MEOX2: variants seen among roughly 807,000 people sequenced by gnomAD.
MEOX2 encodes homeobox protein MOX-2.
A neutral mutation model predicts 27.0 loss-of-function variants in MEOX2; 11 were observed. That is an observed-to-expected ratio of 0.41 (90% CI 0.26 to 0.68). The LOEUF is 0.68. Among genes scored for constraint, MEOX2 ranks in the 30% least tolerant of loss-of-function variants. MEOX2 has a pLI of 0.33. For missense variants in MEOX2, 436 were observed against 385.4 expected (o/e 1.13, Z -1.10); for synonymous variants, 189 against 155.4 (o/e 1.22, Z -1.61).
chr7:15,658,611 T>C (rs1369570140), intron 1 of MEOX2, among the ~76,000 whole-genome samples: 8 of 152,166 alleles, frequency 5.3e-5, no homozygotes, highest in Non-Finnish European at 1.2e-4. Context: ...CCAGTACGTA[T>C]GTTGAAATCT....
At chr7:15,684,430 G>A (rs971489177) in intron 1 of MEOX2, among the ~76,000 whole-genome samples, 2 of 152,146 alleles carry the variant, frequency 1.3e-5, no homozygotes, top group East Asian at 3.8e-4. Flanking sequence ...TTAAATATCA[G>A]TGACACTACT....
chr7:15,648,557 T>C (rs1022745126), intron 1 of MEOX2, among the ~76,000 whole-genome samples: 1 of 152,044 alleles, frequency 6.6e-6, no homozygotes, highest in Non-Finnish European at 1.5e-5. Context: ...ATTGTTACCA[T>C]TAAAGTCTTA....
chr7:15,641,274 T>C (rs1370952026), intron 1 of MEOX2, among the ~76,000 whole-genome samples: 1 of 152,184 alleles, frequency 6.6e-6, no homozygotes, highest in Admixed American at 6.5e-5. Flanking sequence ...AGAAATGTAT[T>C]CATTTGGGTT....
intron 1 of MEOX2, among the ~76,000 whole-genome samples, chr7:15,666,217 C>T (rs758390826): frequency 6.6e-6 from 1 of 152,184 alleles, no homozygotes; most frequent in African/African-American, 2.4e-5. Context: ...AATACAATGT[C>T]ATGCCTATAA....
intron 2 of MEOX2, among the ~76,000 whole-genome samples, chr7:15,616,127 T>G (rs890821400): frequency 6.6e-6 from 1 of 151,926 alleles, no homozygotes; most frequent in African/African-American, 2.4e-5. Context: ...TATATACATA[T>G]GAATAGATAT....
intron 1 of MEOX2, 58 bp downstream of exon 1, chr7:15,685,828 C>T: frequency 1.3e-6 from 2 of 1,533,336 alleles, no homozygotes; most frequent in Non-Finnish European, 1.7e-6. Flanking sequence ...CCCCTAGTAT[C>T]TCTCCGCCCC....
intron 2 of MEOX2, among the ~76,000 whole-genome samples, chr7:15,621,429 C>G (rs1583741737): frequency 6.6e-6 from 1 of 152,064 alleles, no homozygotes; most frequent in East Asian, 1.9e-4. Flanking sequence ...AGATGAAGTT[C>G]AAACAGAATT....
At chr7:15,634,669 T>A (rs545268680) in intron 1 of MEOX2, among the ~76,000 whole-genome samples, 3 of 152,058 alleles carry the variant, frequency 2.0e-5, no homozygotes, top group African/African-American at 7.2e-5. Context: ...TATACAACTC[T>A]TTTTAGGAAT....
intron 2 of MEOX2, among the ~76,000 whole-genome samples, chr7:15,625,920 T>C (rs1176300972): frequency 6.6e-6 from 1 of 152,180 alleles, no homozygotes; most frequent in South Asian, 2.1e-4. Context: ...AAAACATTAA[T>C]AATTTCAAAG....
Position 15,657,444 on chromosome 7 carries a change from T to C in MEOX2, c.517+28442A>G, listed in dbSNP as rs553151344. On this transcript the variant is annotated intron_variant, in intron 1 of 2. Transcript: ENST00000262041. ...TGGTTCCATCTTCACATTCTCCAGT[T>C]TTTCCCTTTGTACTGTCCATCCTGC... 3.9e-5 allele frequency among the ~76,000 whole-genome samples: 6 copies of C among 152,284 alleles called. No individual in the cohort carries two copies. The East Asian group carries it at 7.7e-4, about 20-fold the overall frequency.
chr7:15,632,011 T>C lies in MEOX2; in HGVS notation c.518-5093A>G, dbSNP rs1781412779. Reference sequence around the variant, plus strand: ...TAGAAATTTAGCAACTTAGCATGGATATGGATTTGAAAAATTTGCAAACAC... The same window carrying C: ...TAGAAATTTAGCAACTTAGCATGGACATGGATTTGAAAAATTTGCAAACAC... On this transcript the variant is annotated intron_variant, in intron 1 of 2. Transcript: ENST00000262041. Among the ~76,000 whole-genome samples, 2 of 151,376 alleles carry C rather than the reference T, an allele frequency of 1.3e-5. 1 individual carries two copies.
intron 1 of MEOX2, among the ~76,000 whole-genome samples, chr7:15,660,226 T>C (rs1373162217): frequency 1.3e-5 from 2 of 152,112 alleles, no homozygotes; most frequent in Admixed American, 1.3e-4. Flanking sequence ...GAATGTCCTA[T>C]GGAAAATCAT....
At chr7:15,676,806 C>T (rs1216540874) in intron 1 of MEOX2, among the ~76,000 whole-genome samples, 1 of 150,586 alleles carries the variant, frequency 6.6e-6, no homozygotes, top group East Asian at 2.0e-4. Flanking sequence ...TGCAGTGAGT[C>T]AAGATTGCGC....
At chr7:15,659,157 G>A (rs1038507963) in intron 1 of MEOX2, among the ~76,000 whole-genome samples, 7 of 152,234 alleles carry the variant, frequency 4.6e-5, no homozygotes, top group African/African-American at 1.7e-4. Context: ...ATGCCAGCAT[G>A]TCTGGCTATT....
At chr7:15,675,263 C>T (rs1782174139) in intron 1 of MEOX2, among the ~76,000 whole-genome samples, 1 of 152,032 alleles carries the variant, frequency 6.6e-6, no homozygotes, top group Admixed American at 6.6e-5. Context: ...AGAGCTACAT[C>T]ATTAAAAAAA....
chr7:15,643,121 A>T (rs959982607), intron 1 of MEOX2, among the ~76,000 whole-genome samples: 3 of 152,150 alleles, frequency 2.0e-5, no homozygotes, highest in African/African-American at 7.2e-5. Flanking sequence ...GTTCCCTACA[A>T]TCATGCCAGA....
intron 1 of MEOX2, among the ~76,000 whole-genome samples, chr7:15,684,970 A>G (rs192950322): frequency 3.3e-5 from 5 of 152,372 alleles, no homozygotes; most frequent in Non-Finnish European, 5.9e-5. Flanking sequence ...GAGGTCAGGA[A>G]GGTTCCCCTT....
intron 1 of MEOX2, among the ~76,000 whole-genome samples, chr7:15,675,503 C>T (rs1293583109): frequency 6.6e-6 from 1 of 152,068 alleles, no homozygotes; most frequent in Non-Finnish European, 1.5e-5. Flanking sequence ...AAATATTTTA[C>T]GAGATTTTCC....
In MEOX2 at chr7:15,611,910, A is replaced by G. The variant is rs1374095644; in HGVS notation, c.*477T>C. 3 of 162,388 alleles carry G rather than the reference A, an allele frequency of 1.8e-5. No homozygotes were observed. The highest frequency in any genetic ancestry group is 7.2e-5 in the African/African-American group (3 of 41,604). 10.1% of individuals were successfully genotyped at this position (162,388 alleles called of 1,614,324 possible). On this transcript the variant is annotated 3_prime_UTR_variant, in exon 3 of 3. Coordinates refer to ENST00000262041, the MANE Select transcript of MEOX2 (RefSeq NM_005924.5). Reference sequence around the variant, plus strand: ...AGGCACTGTGGCTGTTCAGGATAAAATGTTTCATGGTTTATTCTTGATAGC... The same window carrying G: ...AGGCACTGTGGCTGTTCAGGATAAAGTGTTTCATGGTTTATTCTTGATAGC...
Sources: allele counts gnomAD v4.1 joint callset (sites outside exome capture counted in the v4.1 genomes callset), GRCh38; gene constraint gnomAD v4.1.1; transcripts MANE v1.5; gene names NCBI Gene and HGNC (gene_info 2026-07-23, HGNC 2026-07-21).